ANKS1A: variants seen among roughly 807,000 people sequenced by gnomAD.
ANKS1A encodes the protein ankyrin repeat and SAM domain-containing protein 1A.
A neutral mutation model predicts 120.3 loss-of-function variants in ANKS1A; 55 were observed. The ratio of observed to expected loss-of-function variants is 0.46; its 90% CI spans 0.37 to 0.57. The LOEUF is 0.57. Ranked by LOEUF, ANKS1A falls within the 20% of genes least tolerant of loss-of-function variation. The pLI is 0.00. For missense variants in ANKS1A, 1,123 were observed against 1,480.3 expected, an observed-to-expected ratio of 0.76 and a Z score of 3.96; for synonymous variants, 590 against 604.7, an observed-to-expected ratio of 0.98 and a Z score of 0.36.
Position 35,060,610 on chromosome 6 carries a change from T to C in ANKS1A, c.2184+357T>C, listed in dbSNP as rs1776448823. 6.6e-6 allele frequency among the ~76,000 whole-genome samples: 1 copy of C among 152,174 alleles called. No individual in the cohort carries two copies. Among genetic ancestry groups the C allele is most frequent in the South Asian group, 2.1e-4 (1 of 4,824 alleles). On this transcript the variant is annotated intron_variant, in intron 13 of 23. Coordinates refer to ENST00000360359, the MANE Select transcript of ANKS1A (RefSeq NM_015245.3). This position sits in a 1 kb window ranked among gnomAD's most constrained non-coding sequence, Gnocchi z 4.5. ...TCAAAACTTGGTGTCAAGTGAGTTG[T>C]CACTGAAGCAAGGAGCCTTGCCTCC...
At chr6:34,983,271 A>G (rs1469051099) in intron 6 of ANKS1A, 53 bp from the exon 7 acceptor site, 5 of 1,610,218 alleles carry the variant, frequency 3.1e-6, no homozygotes, top group Non-Finnish European at 4.2e-6. Context: ...GAACCAAGGC[A>G]TTTGTATTTG....
intron 13 of ANKS1A, among the ~76,000 whole-genome samples, chr6:35,066,349 G>A (rs1375344240): frequency 6.6e-6 from 1 of 152,058 alleles, no homozygotes; most frequent in Non-Finnish European, 1.5e-5. Context: ...GGGTGGTCTT[G>A]GGACCAAGCC....
chr6:34,939,024 A>G (rs1769402044), intron 1 of ANKS1A, among the ~76,000 whole-genome samples: 1 of 152,196 alleles, frequency 6.6e-6, no homozygotes, highest in African/African-American at 2.4e-5. Context: ...ATTTCTTTGA[A>G]ACTCATCTCA....
chr6:35,057,767 G>A lies in ANKS1A; in HGVS notation c.2078-2380G>A, dbSNP rs1776287890. ...TCACCTAAGGAACATCAAGTGTAAC[G>A]GCCTTATTTCATTGCCTGTTTTTAT... is the stretch of plus-strand genomic sequence containing the variant. On this transcript the variant is annotated intron_variant, in intron 12 of 23. Transcript: ENST00000360359. The surrounding 1 kb of genome is among the most constrained non-coding windows in gnomAD (Gnocchi z 4.1). Among the ~76,000 whole-genome samples the A allele has an allele frequency of 6.6e-6, 1 of 152,184 alleles. No homozygotes were observed. Among genetic ancestry groups the A allele is most frequent in the Non-Finnish European group, 1.5e-5 (1 of 68,040 alleles).
chr6:35,085,739 C>CT lies in ANKS1A; in HGVS notation c.3133-25dup. On this transcript the variant is annotated intron_variant, in intron 21 of 23. Transcript: ENST00000360359. The surrounding 1 kb of genome is among the most constrained non-coding windows in gnomAD (Gnocchi z 4.7). ...TGTGAAGCGGCTCCTGAACCAGGTG[C>CT]TTAAGTGGTGATCTGCTTCCTCCCA... 6.4e-7 allele frequency: 1 copy of CT among 1,557,228 alleles called. No homozygotes were observed.
chr6:35,064,633 C>A (rs1776674994), intron 13 of ANKS1A, among the ~76,000 whole-genome samples: 1 of 152,238 alleles, frequency 6.6e-6, no homozygotes, highest in South Asian at 2.1e-4. Flanking sequence ...GCCCTCTAAA[C>A]CAGCTTCACG....
At chr6:34,958,361 C>G (rs183945805) in intron 1 of ANKS1A, among the ~76,000 whole-genome samples, 1 of 152,152 alleles carries the variant, frequency 6.6e-6, no homozygotes, top group African/African-American at 2.4e-5. Flanking sequence ...TCTCTGTCCT[C>G]TTTACACTGC....
chr6:34,895,026 T>C (rs768157171), intron 1 of ANKS1A, among the ~76,000 whole-genome samples: 30 of 152,102 alleles, frequency 2.0e-4, no homozygotes, highest in Non-Finnish European at 4.0e-4. Flanking sequence ...AAAACAGATA[T>C]GAATTTCCCA....
intron 1 of ANKS1A, among the ~76,000 whole-genome samples, chr6:34,909,483 C>T (rs542903915): frequency 2.0e-4 from 30 of 152,254 alleles, no homozygotes; most frequent in Non-Finnish European, 3.2e-4. Context: ...TTTCTAAGTG[C>T]GTTTAAATGG....
chr6:35,061,487 C>T (rs1354460853), intron 13 of ANKS1A, among the ~76,000 whole-genome samples: 2 of 152,164 alleles, frequency 1.3e-5, no homozygotes, highest in African/African-American at 4.8e-5. Flanking sequence ...CTAATGGGGG[C>T]TTCTGAGGGT....
intron 11 of ANKS1A, among the ~76,000 whole-genome samples, chr6:35,022,134 C>T (rs1400546994): frequency 6.6e-6 from 1 of 152,192 alleles, no homozygotes; most frequent in African/African-American, 2.4e-5. Flanking sequence ...GGAGAGCCCA[C>T]CCAGCCTGAG....
intron 23 of ANKS1A, 88 bp downstream of exon 23, chr6:35,087,137 C>A: frequency 7.6e-7 from 1 of 1,323,794 alleles, no homozygotes; most frequent in South Asian, 1.2e-5. Context: ...CTGCTGTCCT[C>A]AACTCTCTCC....
chr6:35,029,349 C>CTTT (rs776256932), intron 11 of ANKS1A, among the ~76,000 whole-genome samples: 21 of 105,762 alleles, frequency 2.0e-4, no homozygotes, highest in East Asian at 5.1e-4. Context: ...ATGACTTCTG[C>CTTT]TTTTTTTTTT....
chr6:35,091,138 GTTAT>G lies in ANKS1A; in HGVS notation c.*2533_*2536del, dbSNP rs1049608143. 1 of 985,774 alleles carries G rather than the reference GTTAT, an allele frequency of 1.0e-6. No homozygotes were observed. Among genetic ancestry groups the G allele is most frequent in the African/African-American group, 1.7e-5 (1 of 57,244 alleles). 61.1% of individuals were successfully genotyped at this position (985,774 alleles called of 1,614,324 possible). A position where few individuals can be genotyped will look rare whatever the true frequency, so the allele number is the denominator to read the frequency against. On this transcript the variant is annotated 3_prime_UTR_variant, in exon 24 of 24. Coordinates refer to ENST00000360359, the MANE Select transcript of ANKS1A (RefSeq NM_015245.3). ...CAATGGACTGAACTGTAATGAAAAT[GTTAT>G]TTAATCTTTGTCTCTGTATTTTGAT...
intron 1 of ANKS1A, among the ~76,000 whole-genome samples, chr6:34,904,503 G>A (rs1212050231): frequency 6.6e-6 from 1 of 152,160 alleles, no homozygotes; most frequent in Non-Finnish European, 1.5e-5. Flanking sequence ...GGAGGCTGAG[G>A]TGGGCGGATC....
At chr6:34,973,148 G>A (rs574536038) in intron 3 of ANKS1A, among the ~76,000 whole-genome samples, 5 of 152,156 alleles carry the variant, frequency 3.3e-5, no homozygotes, top group East Asian at 1.9e-4. Context: ...TGGTTGATCC[G>A]TTTTATTCCT....
chr6:34,957,176 A>G (rs1770413878), intron 1 of ANKS1A, among the ~76,000 whole-genome samples: 1 of 152,092 alleles, frequency 6.6e-6, no homozygotes, highest in African/African-American at 2.4e-5. Context: ...TCTGTTTTTA[A>G]TGGGGTTCAG....
chr6:35,043,260 A>G (rs774514992), intron 11 of ANKS1A, among the ~76,000 whole-genome samples: 10 of 152,228 alleles, frequency 6.6e-5, no homozygotes, highest in Non-Finnish European at 1.3e-4. Flanking sequence ...ATGAGAGCCC[A>G]TGACTTGCTA....
intron 13 of ANKS1A, among the ~76,000 whole-genome samples, chr6:35,063,894 G>A (rs1776636529): frequency 6.6e-6 from 1 of 152,240 alleles, no homozygotes; most frequent in African/African-American, 2.4e-5. Flanking sequence ...TGCCCAAGTG[G>A]CAGAGCCAAG....
Sources: gnomAD v4.1 joint callset for allele counts (sites outside exome capture counted in the v4.1 genomes callset) on GRCh38, gnomAD v4.1.1 for gene constraint, Gnocchi (gnomAD v3.1) non-coding constraint, MANE v1.5 for transcripts, NCBI Gene and HGNC (gene_info 2026-07-23, HGNC 2026-07-21) for gene names.